Variants in ENTPD5 observed in about 807,000 individuals in gnomAD.
ENTPD5 encodes nucleoside diphosphate phosphatase ENTPD5.
ENTPD5 carries 49 observed loss-of-function variants against 60.2 expected under a neutral mutation model. That is an observed-to-expected ratio of 0.81 (90% CI 0.65 to 1.03). ENTPD5 has a LOEUF of 1.03. ENTPD5 is among the 50% of genes least tolerant of loss of function. ENTPD5 has a pLI of 0.00. For synonymous variants in ENTPD5, 187 were observed against 185.4 expected, an observed-to-expected ratio of 1.01 and a Z score of -0.07; for missense variants, 480 against 507.6, an observed-to-expected ratio of 0.95 and a Z score of 0.52.
chr14:73,988,686 C>T (rs11159052), intron 3 of ENTPD5, among the ~76,000 whole-genome samples: 61,232 of 152,088 alleles, frequency 0.4, 13,402 homozygotes, highest in South Asian at 0.49. Context: ...CACTAGCCTT[C>T]CCAGCCCCTC....
At chr14:74,018,475 T>G (rs1009084661) in intron 1 of ENTPD5, 1 of 152,328 alleles carries the variant, frequency 6.6e-6, no homozygotes, top group East Asian at 1.9e-4. Context: ...ATACCGTACC[T>G]TCCTTAATGA....
At position 74,000,378 on chromosome 14, in the gene ENTPD5, G is replaced by A. The variant is rs141971586; in HGVS notation, c.-71+10713C>T. ...AGGCTGAGGTGGGAGGATTGCTTGAGCCCCCTGGGAGGTGGAGGTTGCTGT... is the reference window on the plus strand; with the variant it reads ...AGGCTGAGGTGGGAGGATTGCTTGAACCCCCTGGGAGGTGGAGGTTGCTGT... On this transcript the variant is annotated intron_variant, in intron 3 of 15. Coordinates refer to ENST00000334696, the MANE Select transcript of ENTPD5 (RefSeq NM_001249.5). Among the ~76,000 whole-genome samples the A allele has an allele frequency of 5.4e-4, 81 of 150,320 alleles. 3 individuals carry two copies. In the East Asian group the frequency reaches 0.016, roughly 29 times the overall value.
chr14:73,959,581 G>GTT (rs759810630), downstream of ENTPD5: 612 of 1,391,272 alleles, frequency 4.4e-4, no homozygotes, highest in Admixed American at 5.5e-4. Context: ...GAAAGGTGTT[G>GTT]TTTTTTTTTT....
intron 3 of ENTPD5, among the ~76,000 whole-genome samples, chr14:73,992,900 G>A (rs2058195362): frequency 6.6e-6 from 1 of 152,012 alleles, no homozygotes; most frequent in East Asian, 1.9e-4. Context: ...CTACTTGGGA[G>A]GCTGAAGTAC....
chr14:73,996,085 C>T (rs2058333300), intron 3 of ENTPD5: 1 of 941,982 alleles, frequency 1.1e-6, no homozygotes, highest in African/African-American at 1.8e-5. Context: ...CCCAGAGGAC[C>T]TGGGCCCCAT....
intron 4 of ENTPD5, 124 bp from the exon 5 acceptor site, chr14:73,987,017 T>C (rs556306481): frequency 2.6e-6 from 2 of 767,120 alleles, no homozygotes; most frequent in African/African-American, 3.4e-5. Context: ...CAAATGATCC[T>C]AGTTGTGAGG....
downstream of ENTPD5, among the ~76,000 whole-genome samples, chr14:73,957,657 T>A (rs1248051911): frequency 2.0e-5 from 3 of 151,890 alleles, no homozygotes; most frequent in African/African-American, 7.3e-5. Flanking sequence ...CTTGAACTCC[T>A]GGGCTCAAGT....
rs149332160 is a variant in ENTPD5 at position 74,000,631 on chromosome 14, A to G, written c.-71+10460T>C. Among the ~76,000 whole-genome samples the G allele has an allele frequency of 4.4e-3, 669 of 150,764 alleles. 10 individuals carry two copies. The highest frequency in any genetic ancestry group is 0.015 in the African/African-American group (630 of 40,856). On this transcript the variant is annotated intron_variant, in intron 3 of 15. Coordinates refer to ENST00000334696, the MANE Select transcript of ENTPD5 (RefSeq NM_001249.5). ...CCCCATCTCTACTAAAAATACAAAA[A>G]TTGTCCAGGCGTGGTGGTGTGCCTG...
At chr14:74,017,323 AAAAAG>A (rs952125598) in intron 1 of ENTPD5, among the ~76,000 whole-genome samples, 1 of 102,920 alleles carries the variant, frequency 9.7e-6, no homozygotes, top group Non-Finnish European at 1.9e-5. Flanking sequence ...CATCTCAAAA[AAAAAG>A]AAAAGAAAAA....
At chr14:74,008,937 T>G (rs893037762) in intron 3 of ENTPD5, 2 of 152,258 alleles carry the variant, frequency 1.3e-5, no homozygotes, top group Non-Finnish European at 2.9e-5. Flanking sequence ...CAGTCTTTCC[T>G]GTAAACAGGT....
At chr14:73,959,266 C>T, downstream of ENTPD5, 1 of 1,614,212 alleles carries the variant, frequency 6.2e-7, no homozygotes, top group Non-Finnish European at 8.5e-7. Context: ...TGCATGCAAG[C>T]CTTTCCTCTT....
chr14:74,001,469 T>A (rs1464672833), intron 3 of ENTPD5, among the ~76,000 whole-genome samples: 4 of 150,264 alleles, frequency 2.7e-5, no homozygotes, highest in Non-Finnish European at 5.9e-5. Context: ...ACCACTGCAC[T>A]CCAGCCTGGG....
intron 3 of ENTPD5, among the ~76,000 whole-genome samples, chr14:73,990,770 T>C (rs919255061): frequency 2.6e-5 from 4 of 152,090 alleles, no homozygotes; most frequent in East Asian, 3.9e-4. Flanking sequence ...GGCTCATGCC[T>C]GTAATCTCAG....
intron 3 of ENTPD5, among the ~76,000 whole-genome samples, chr14:73,988,748 A>C (rs2058009942): frequency 6.6e-6 from 1 of 152,144 alleles, no homozygotes; most frequent in African/African-American, 2.4e-5. Context: ...TTTAGCTCCC[A>C]TATATGAGTG....
chr14:73,955,407 G>A (rs768168521), downstream of ENTPD5: 2 of 1,507,314 alleles, frequency 1.3e-6, no homozygotes, highest in Admixed American at 1.7e-5. Context: ...GGGAGCCCAG[G>A]TCCTTGTGAA....
chr14:73,984,274 T>C (rs1290136613), intron 5 of ENTPD5, among the ~76,000 whole-genome samples: 5 of 152,224 alleles, frequency 3.3e-5, no homozygotes. Flanking sequence ...GAAGACTTGC[T>C]TGCTAGCCCT....
intron 3 of ENTPD5, among the ~76,000 whole-genome samples, chr14:73,994,414 T>A (rs112965033): frequency 0.091 from 13,861 of 151,518 alleles, 794 homozygotes; most frequent in South Asian, 0.27. Flanking sequence ...GGCACAAGCC[T>A]CCGCACCGAG....
At chr14:73,990,302 A>G (rs1432702024) in intron 3 of ENTPD5, among the ~76,000 whole-genome samples, 1 of 152,094 alleles carries the variant, frequency 6.6e-6, no homozygotes, top group Non-Finnish European at 1.5e-5. Context: ...TCCCTTTAGA[A>G]CATAAATATC....
At chr14:73,994,456 C>T (rs998429762) in intron 3 of ENTPD5, among the ~76,000 whole-genome samples, 2 of 151,708 alleles carry the variant, frequency 1.3e-5, no homozygotes, top group African/African-American at 4.8e-5. Context: ...AACTAATGTG[C>T]CAGGTGCAGT....
Sources: allele counts gnomAD v4.1 joint callset (sites outside exome capture counted in the v4.1 genomes callset), GRCh38; gene constraint gnomAD v4.1.1; transcripts MANE v1.5; gene names NCBI Gene and HGNC (gene_info 2026-07-23, HGNC 2026-07-21).